TRPM6: variants seen among roughly 807,000 people sequenced by gnomAD.
The protein encoded by TRPM6 is channel kinase 2.
A neutral mutation model predicts 247.6 loss-of-function variants in TRPM6; 111 were observed. That is an observed-to-expected ratio of 0.45 (90% CI 0.38 to 0.52). TRPM6 has a LOEUF of 0.52. Among genes scored for constraint, TRPM6 ranks in the 20% least tolerant of loss-of-function variants. The probability of loss-of-function intolerance (pLI) is 0.00; values close to 1 mark genes in which losing one functional copy is unlikely to be tolerated. For synonymous variants in TRPM6, 892 were observed against 853.8 expected (o/e 1.04, Z -0.78); for missense variants, 2,126 against 2,421.5 (o/e 0.88, Z 2.56).
chr9:74,735,114 G>A (rs925099066), intron 36 of TRPM6, among the ~76,000 whole-genome samples: 7 of 152,094 alleles, frequency 4.6e-5, no homozygotes, highest in Admixed American at 6.5e-5. Flanking sequence ...CAGTTAACTC[G>A]GGAAGCTGAG....
chr9:74,884,947 G>T (rs1831487584), intron 1 of TRPM6, among the ~76,000 whole-genome samples: 1 of 152,176 alleles, frequency 6.6e-6, no homozygotes, highest in Non-Finnish European at 1.5e-5. Flanking sequence ...TGAAGAGAGA[G>T]CCCAAGGTAA....
At chr9:74,805,838 C>G (rs1161296650) in intron 14 of TRPM6, among the ~76,000 whole-genome samples, 2 of 151,804 alleles carry the variant, frequency 1.3e-5, no homozygotes, top group Non-Finnish European at 2.9e-5. Flanking sequence ...AGTCTTAATA[C>G]AGAAAACACA....
rs944569753 is a variant in TRPM6 at position 74,724,014 on chromosome 9, T to C, written c.*599A>G. The C allele has an allele frequency of 2.0e-5, 3 of 152,514 alleles. No individual in the cohort carries two copies. The highest frequency in any genetic ancestry group is 7.3e-5 in the African/African-American group (3 of 41,276). The allele number at this position is 152,514 out of a possible 1,614,324, so 9.4% of individuals were successfully genotyped here. ...CATCATATGATTCACTGACAATATC[T>C]GAAACCCATCGAGATTTCACCAGTA... is the stretch of plus-strand genomic sequence containing the variant. On this transcript the variant is annotated 3_prime_UTR_variant, in exon 39 of 39. Coordinates refer to ENST00000360774, the MANE Select transcript of TRPM6 (RefSeq NM_017662.5).
intron 15 of TRPM6, among the ~76,000 whole-genome samples, chr9:74,802,379 G>A (rs7858874): frequency 6.6e-6 from 1 of 151,868 alleles, no homozygotes; most frequent in African/African-American, 2.4e-5. Flanking sequence ...CAGATCCAGA[G>A]TCCCTGAACT....
In TRPM6 at chr9:74,761,712, T is replaced by C. The variant is rs1826640897; in HGVS notation, c.4769A>G (p.Gln1590Arg). Residue 1590 changes from glutamine to arginine, a missense_variant, in exon 27 of 39, where the codon CAA becomes CGA. Transcript: ENST00000360774. ...RRLSKKKKNT[Q>R]GLQVPIITVN... ...TACACTTACTGGCACCTGGAGTCCT[T>C]GAGTATTCTTCTTTTTCTTTGACAG... 2 of 1,610,360 alleles carry C rather than the reference T, an allele frequency of 1.2e-6. No individual in the cohort carries two copies. The highest frequency in any genetic ancestry group is 1.7e-6 in the Non-Finnish European group (2 of 1,176,754).
rs190651352 is a variant in TRPM6, at chr9:74,735,538, G to A, written c.5777-2802C>T. ...TGTCGATGCCAATGCTGACATTCTG[G>A]AATCTGCTTTGTTGAATAAAAAAAT... On this transcript the variant is annotated intron_variant, in intron 36 of 38. Coordinates refer to ENST00000360774, the MANE Select transcript of TRPM6 (RefSeq NM_017662.5). 6.6e-5 allele frequency among the ~76,000 whole-genome samples: 10 copies of A among 152,088 alleles called. No homozygotes were observed. The East Asian group carries it at 1.2e-3, about 18-fold the overall frequency.
intron 1 of TRPM6, among the ~76,000 whole-genome samples, chr9:74,864,723 T>C (rs896496996): frequency 6.6e-6 from 1 of 152,196 alleles, no homozygotes; most frequent in Non-Finnish European, 1.5e-5. Context: ...TCCTGAGTAG[T>C]TGAGAAATTT....
chr9:74,828,076 AGGCATGGT>A, intron 6 of TRPM6, 127 bp from the exon 7 acceptor site: 2 of 1,007,386 alleles, frequency 2.0e-6, no homozygotes, highest in South Asian at 3.2e-5. Flanking sequence ...ACTTGCGGCC[AGGCATGGT>A]GGCTCATGCC....
At chr9:74,745,324 A>T (rs933170781) in intron 31 of TRPM6, among the ~76,000 whole-genome samples, 1 of 152,220 alleles carries the variant, frequency 6.6e-6, no homozygotes, top group African/African-American at 2.4e-5. Context: ...TTTATTGAGT[A>T]CCTACTATGT....
At chr9:74,816,424 C>T (rs926032179) in intron 11 of TRPM6, among the ~76,000 whole-genome samples, 3 of 144,748 alleles carry the variant, frequency 2.1e-5, no homozygotes, top group African/African-American at 7.7e-5. Context: ...CTGTCTTTCA[C>T]TCAACTTCCC....
intron 3 of TRPM6, among the ~76,000 whole-genome samples, chr9:74,854,628 C>T (rs1450542638): frequency 6.6e-6 from 1 of 152,120 alleles, no homozygotes; most frequent in Non-Finnish European, 1.5e-5. Flanking sequence ...TTCCTCTCCC[C>T]ATGATTTGCT....
chr9:74,848,067 A>G (rs892052669), intron 3 of TRPM6, among the ~76,000 whole-genome samples: 5 of 152,194 alleles, frequency 3.3e-5, no homozygotes, highest in Non-Finnish European at 1.5e-5. Context: ...TAATTTTGCA[A>G]CTGAAGGTAC....
chr9:74,866,321 A>G (rs10869452), intron 1 of TRPM6, among the ~76,000 whole-genome samples: 51,412 of 151,986 alleles, frequency 0.34, 9,278 homozygotes, highest in East Asian at 0.51. Context: ...CACTCATACC[A>G]CGTGTGTAAC....
chr9:74,799,083 G>A (rs148967935), intron 17 of TRPM6, among the ~76,000 whole-genome samples: 1,902 of 152,170 alleles, frequency 0.012, 44 homozygotes, highest in African/African-American at 0.044. Flanking sequence ...TGCAATCAAA[G>A]CAAATCATTG....
Position 74,724,457 on chromosome 9 carries a change from T to TGGGTTC in TRPM6, c.*155_*156insGAACCC. 9.6e-7 allele frequency: 1 copy of TGGGTTC among 1,040,276 alleles called. No homozygotes were observed. 64.4% of individuals were successfully genotyped at this position (1,040,276 alleles called of 1,614,324 possible). Reference sequence around the variant, plus strand: ...AGTGTCTAGGAGAACCCATTGATCATATACCAATGAGGCCTTTGAACAGAA... The same window carrying TGGGTTC: ...AGTGTCTAGGAGAACCCATTGATCATGGGTTCATACCAATGAGGCCTTTGAACAGAA... On this transcript the variant is annotated 3_prime_UTR_variant, in exon 39 of 39. Coordinates refer to ENST00000360774, the MANE Select transcript of TRPM6 (RefSeq NM_017662.5).
chr9:74,794,368 CTT>C (rs1828016365), intron 18 of TRPM6, among the ~76,000 whole-genome samples: 1 of 151,930 alleles, frequency 6.6e-6, no homozygotes, highest in South Asian at 2.1e-4. Flanking sequence ...AAAAATGTGA[CTT>C]TTAAGGCCTC....
intron 7 of TRPM6, among the ~76,000 whole-genome samples, chr9:74,825,453 T>C (rs1205164514): frequency 7.6e-6 from 1 of 130,828 alleles, no homozygotes; most frequent in Non-Finnish European, 1.6e-5. Flanking sequence ...GTCTTCTCTT[T>C]CTTCCGTGTG....
rs1564020612 is a variant in TRPM6, at chr9:74,800,337, AG to A, written c.2154del (p.Phe719LeufsTer11). ...ATCTGGGTACAAGTATGTGAAACAA[AG>A]GGTCGTAATCCTCCCGACACGGCCA... Reference protein sequence around the residue: ...LKLAVSGGLRPFVSHTCTQML... With the variant: ...LKLAVSGGLRXFVSHTCTQML... On this transcript the variant is annotated frameshift_variant, in exon 17 of 39. Coordinates refer to ENST00000360774, the MANE Select transcript of TRPM6 (RefSeq NM_017662.5). LOFTEE classifies it high-confidence loss of function. The A allele has an allele frequency of 6.2e-7, 1 of 1,614,156 alleles. No homozygotes were observed. Among genetic ancestry groups the A allele is most frequent in the Non-Finnish European group, 8.5e-7 (1 of 1,180,038 alleles).
At position 74,739,734 on chromosome 9, in the gene TRPM6, G is replaced by A. The variant is rs1825801812; in HGVS notation, c.5476C>T (p.Leu1826Phe). The change falls in exon 34 of 39, where the codon CTT becomes TTT. Residue 1826 changes from leucine (L) to phenylalanine (F), a missense_variant. Around this residue, in one of 3 missense-constraint regions of TRPM6, gnomAD observed 327 missense variants for 397.7 expected, o/e 0.82. Coordinates refer to ENST00000360774, the MANE Select transcript of TRPM6 (RefSeq NM_017662.5). ...KIFQESTVLH[L>F]CLREIQQQRA... ...AGTTTCAGACTTACCCTGAGGCAAA[G>A]ATGAAGCACAGTGCTCTCCTGGAAG... The A allele has an allele frequency of 6.2e-7, 1 of 1,612,524 alleles. No homozygotes were observed. The highest frequency in any genetic ancestry group is 1.3e-5 in the African/African-American group (1 of 74,912).
Sources: gnomAD v4.1 joint callset for allele counts (sites outside exome capture counted in the v4.1 genomes callset) on GRCh38, gnomAD v4.1.1 for gene constraint, gnomAD v4.1.1 regional missense constraint, MANE v1.5 for transcripts, NCBI Gene and HGNC (gene_info 2026-07-23, HGNC 2026-07-21) for gene names.